NAALADL2: variants seen among roughly 807,000 people sequenced by gnomAD.
NAALADL2 encodes N-acetylated alpha-linked acidic dipeptidase like 2.
In NAALADL2, 76 loss-of-function variants were observed where a neutral mutation model predicts 87.2. The ratio of observed to expected loss-of-function variants is 0.87; its 90% confidence interval spans 0.72 to 1.05. The LOEUF is 1.05. Ranked by LOEUF, NAALADL2 falls within the 50% of genes least tolerant of loss-of-function variation. NAALADL2 has a pLI of 0.00. For missense variants in NAALADL2, 1,089 were observed against 945.8 expected, an observed-to-expected ratio of 1.15 and a Z score of -1.99; for synonymous variants, 354 against 331.0, an observed-to-expected ratio of 1.07 and a Z score of -0.75.
chr3:175,635,801 A>G (rs1415209087), intron 11 of NAALADL2, among the ~76,000 whole-genome samples: 3 of 152,212 alleles, frequency 2.0e-5, no homozygotes, highest in Non-Finnish European at 4.4e-5. Context: ...AAGGTGCTGT[A>G]GAAGTACAGA....
chr3:174,801,755 A>G (rs184507913), intron 3 of NAALADL2, among the ~76,000 whole-genome samples: 2 of 150,490 alleles, frequency 1.3e-5, no homozygotes. Flanking sequence ...ATGATTATAT[A>G]ATTTTGCTTT....
intron 3 of NAALADL2, among the ~76,000 whole-genome samples, chr3:174,773,727 T>C (rs1271249628): frequency 6.6e-6 from 1 of 152,084 alleles, no homozygotes; most frequent in Non-Finnish European, 1.5e-5. Flanking sequence ...CGTTTTAGAG[T>C]ACCCAACGTT....
intron 1 of NAALADL2, among the ~76,000 whole-genome samples, chr3:174,898,670 T>A (rs1560339529): frequency 6.6e-6 from 1 of 151,744 alleles, no homozygotes; most frequent in Non-Finnish European, 1.5e-5. Flanking sequence ...TAAATAAAAA[T>A]AAAAAATTAT....
chr3:174,729,004 A>C (rs1732455384), intron 2 of NAALADL2, among the ~76,000 whole-genome samples: 2 of 152,102 alleles, frequency 1.3e-5, no homozygotes, highest in Non-Finnish European at 2.9e-5. Context: ...GGACTGAAAT[A>C]GTCTGTAAAG....
intron 11 of NAALADL2, among the ~76,000 whole-genome samples, chr3:175,693,251 T>C (rs1199317945): frequency 1.3e-5 from 2 of 152,148 alleles, no homozygotes; most frequent in Non-Finnish European, 2.9e-5. Flanking sequence ...TTACTGCCAT[T>C]GTGGTTGAAC....
intron 1 of NAALADL2, among the ~76,000 whole-genome samples, chr3:174,478,280 A>G (rs1008610195): frequency 1.3e-5 from 2 of 152,168 alleles, no homozygotes; most frequent in African/African-American, 4.8e-5. Flanking sequence ...GTTTAAATTT[A>G]CCATCTAGAT....
At chr3:175,161,833 C>G (rs911366053) in intron 2 of NAALADL2, among the ~76,000 whole-genome samples, 2 of 152,102 alleles carry the variant, frequency 1.3e-5, no homozygotes, top group African/African-American at 4.8e-5. Flanking sequence ...GTCTGTCAAT[C>G]AATTATTGCA....
chr3:175,524,314 G>A (rs1462799681), intron 9 of NAALADL2, among the ~76,000 whole-genome samples: 1 of 152,120 alleles, frequency 6.6e-6, no homozygotes, highest in Non-Finnish European at 1.5e-5. Flanking sequence ...TCTAGAGCAA[G>A]GTTTCTAAAC....
chr3:174,481,965 G>T (rs998306595), intron 1 of NAALADL2, among the ~76,000 whole-genome samples: 2 of 152,040 alleles, frequency 1.3e-5, no homozygotes, highest in African/African-American at 4.8e-5. Flanking sequence ...AAATTATGTT[G>T]TGTGTACACA....
chr3:175,749,838 T>C (rs1444524269), intron 12 of NAALADL2, among the ~76,000 whole-genome samples: 1 of 152,154 alleles, frequency 6.6e-6, no homozygotes. Flanking sequence ...GTTAACGGCC[T>C]TACGCAGAAG....
intron 3 of NAALADL2, among the ~76,000 whole-genome samples, chr3:174,797,298 CTTTTTTCTTTTTTTTTTTT>C (rs1411604838): frequency 6.1e-5 from 6 of 97,728 alleles, no homozygotes; most frequent in South Asian, 3.7e-4. Context: ...TTTTGTTTTT[CTTTTTTCTTTTTTTTTTTT>C]TTTTTTTTTT....
At chr3:175,751,661 G>A (rs1488304728) in intron 12 of NAALADL2, among the ~76,000 whole-genome samples, 1 of 152,052 alleles carries the variant, frequency 6.6e-6, no homozygotes, top group Non-Finnish European at 1.5e-5. Context: ...AGTCTTTGGT[G>A]TGTAAACTCC....
At chr3:174,718,960 T>C (rs1447927409) in intron 2 of NAALADL2, among the ~76,000 whole-genome samples, 1 of 152,154 alleles carries the variant, frequency 6.6e-6, no homozygotes, top group Non-Finnish European at 1.5e-5. Flanking sequence ...AAACAATCTT[T>C]TCCTGCTTCT....
At chr3:174,457,962 T>A (rs59487008) in intron 1 of NAALADL2, among the ~76,000 whole-genome samples, 2,185 of 151,750 alleles carry the variant, frequency 0.014, 51 homozygotes, top group African/African-American at 0.05. Flanking sequence ...CACATAGAGG[T>A]GAATGACAGA....
At chr3:174,930,163 G>T (rs1305015431) in intron 1 of NAALADL2, among the ~76,000 whole-genome samples, 1 of 152,090 alleles carries the variant, frequency 6.6e-6, no homozygotes, top group Non-Finnish European at 1.5e-5. Flanking sequence ...AACATTATCT[G>T]TAGTGTTCAA....
intron 1 of NAALADL2, among the ~76,000 whole-genome samples, chr3:174,971,492 T>C: frequency 6.6e-6 from 1 of 152,294 alleles, no homozygotes; most frequent in South Asian, 2.1e-4. Flanking sequence ...GTACCCCTTT[T>C]ATGGTCTTTA....
At chr3:175,022,580 T>G (rs1751702099) in intron 1 of NAALADL2, among the ~76,000 whole-genome samples, 1 of 152,044 alleles carries the variant, frequency 6.6e-6, no homozygotes, top group African/African-American at 2.4e-5. Context: ...CCTATAGCCA[T>G]GGCTGGTTAA....
At chr3:175,624,096 A>G (rs2149708097) in intron 10 of NAALADL2, among the ~76,000 whole-genome samples, 1 of 152,186 alleles carries the variant, frequency 6.6e-6, no homozygotes, top group South Asian at 2.1e-4. Context: ...ACAAAACAGA[A>G]TTCTCAAGAA....
intron 5 of NAALADL2, among the ~76,000 whole-genome samples, chr3:175,393,416 G>T (rs1769337483): frequency 7.0e-6 from 1 of 142,596 alleles, no homozygotes; most frequent in South Asian, 2.4e-4. Context: ...TAATTATTAT[G>T]ATTATCTTTG....
Sources: gnomAD v4.1 joint callset for allele counts (sites outside exome capture counted in the v4.1 genomes callset) on GRCh38, gnomAD v4.1.1 for gene constraint, MANE v1.5 for transcripts, NCBI Gene and HGNC (gene_info 2026-07-23, HGNC 2026-07-21) for gene names.